CC2D2B: variants seen among roughly 807,000 people sequenced by gnomAD.
CC2D2B encodes the protein coiled-coil and C2 domain containing 2B, also known as protein CC2D2B.
CC2D2B carries 128 observed loss-of-function variants against 161.2 expected under a neutral mutation model. The ratio of observed to expected loss-of-function variants is 0.79; its 90% CI spans 0.69 to 0.92. The LOEUF is 0.92. CC2D2B is among the 40% of genes least tolerant of loss of function. The pLI is 0.00. For missense variants in CC2D2B, 1,173 were observed against 1,375.1 expected (o/e 0.85, Z 2.32); for synonymous variants, 391 against 449.8 (o/e 0.87, Z 1.65).
In CC2D2B at chr10:96,012,345, C is replaced by T. The variant is rs764558779; in HGVS notation, c.3206C>T (p.Thr1069Ile). Residue 1069 changes from threonine to isoleucine, a missense_variant, in exon 27 of 35, where the codon ACC (threonine) becomes ATC (isoleucine). Physicochemically the swap from Thr to Ile is moderately conservative, Grantham distance 89. This residue lies in a region of CC2D2B where 598 missense variants were observed against 693.2 expected (regional missense o/e 0.86). Coordinates refer to ENST00000646931, the MANE Select transcript of CC2D2B (RefSeq NM_001349008.3). ...ATIEPQISYV[T>I]CNPTLDKFLD... Reference sequence around the variant, plus strand: ...ATTGAACCTCAAATATCATATGTCACCTGTAATCCAACACTAGATAAGGTA... The same window carrying T: ...ATTGAACCTCAAATATCATATGTCATCTGTAATCCAACACTAGATAAGGTA... 1 of 698,236 alleles carries T rather than the reference C, an allele frequency of 1.4e-6. No homozygotes were observed. The allele number at this position is 698,236 out of a possible 1,614,324, so 43.3% of individuals were successfully genotyped here. A position where few individuals can be genotyped will look rare whatever the true frequency, so the allele number is the denominator to read the frequency against.
intron 9 of CC2D2B, among the ~76,000 whole-genome samples, chr10:95,947,082 A>AAAATAT (rs1467752343): frequency 1.0e-4 from 4 of 39,500 alleles, no homozygotes; most frequent in Non-Finnish European, 1.6e-4. Flanking sequence ...TGGACTCAAA[A>AAAATAT]ATATATATAT....
At chr10:95,923,520 T>C (rs915730190) in intron 3 of CC2D2B, among the ~76,000 whole-genome samples, 5 of 152,194 alleles carry the variant, frequency 3.3e-5, no homozygotes, top group Admixed American at 2.6e-4. Flanking sequence ...GTCTTTTCAG[T>C]TTAATAAAAT....
intron 9 of CC2D2B, among the ~76,000 whole-genome samples, chr10:95,939,720 C>T (rs1034632669): frequency 6.6e-6 from 1 of 152,112 alleles, no homozygotes; most frequent in African/African-American, 2.4e-5. Flanking sequence ...TTTTAATCTG[C>T]ATTTCCCTAA....
In CC2D2B at chr10:95,992,632, T is replaced by C; in HGVS notation, c.2577T>C (p.Asp859=). Reference sequence around the variant, plus strand: ...CAGCGCAGGCGATCTCTGACGGAGATATTAAGATTCTTGTCCGAATAGTGA... The same window carrying C: ...CAGCGCAGGCGATCTCTGACGGAGACATTAAGATTCTTGTCCGAATAGTGA... ...KVTAQAISDG[D]IKILVRIVRA... The change falls in exon 22 of 35, where the codon GAT becomes GAC. Residue 859 remains aspartate (D), a synonymous_variant. Coordinates refer to ENST00000646931, the MANE Select transcript of CC2D2B (RefSeq NM_001349008.3). The C allele has an allele frequency of 1.6e-6, 2 of 1,234,274 alleles. No individual in the cohort carries two copies. Among genetic ancestry groups the C allele is most frequent in the Non-Finnish European group, 2.0e-6 (2 of 988,080 alleles). 76.5% of individuals were successfully genotyped at this position (1,234,274 alleles called of 1,614,324 possible). A position where few individuals can be genotyped will look rare whatever the true frequency, so the allele number is the denominator to read the frequency against.
rs1312023412 is a variant in CC2D2B, at chr10:95,965,941, G to T, written c.1296G>T (p.Met432Ile). ...ATGAACAAGAGCAAATCTCAGAAATGTCTGAAACTGAGAAGAAAAATGAAG... is the reference window on the plus strand; with the variant it reads ...ATGAACAAGAGCAAATCTCAGAAATTTCTGAAACTGAGAAGAAAAATGAAG... ...KCDEQEQISE[M>I]SETEKKNEGK... Residue 432 changes from methionine to isoleucine, a missense_variant, in exon 13 of 35, where the codon ATG (methionine) becomes ATT (isoleucine). By Grantham distance (10) the Met-to-Ile change is conservative. This residue lies in a region of CC2D2B where 277 missense variants were observed against 420.6 expected (regional missense o/e 0.66). Transcript: ENST00000646931. 1 of 1,218,718 alleles carries T rather than the reference G, an allele frequency of 8.2e-7. No individual in the cohort carries two copies. The highest frequency in any genetic ancestry group is 1.0e-6 in the Non-Finnish European group (1 of 976,190). The allele number at this position is 1,218,718 out of a possible 1,614,324, so 75.5% of individuals were successfully genotyped here.
intron 26 of CC2D2B, among the ~76,000 whole-genome samples, chr10:96,010,647 C>T (rs930630244): frequency 4.6e-5 from 7 of 151,888 alleles, no homozygotes; most frequent in South Asian, 4.2e-4. Context: ...GTGGAAATGC[C>T]GGGGGAGTGG....
At chr10:95,975,515 A>G (rs536572639) in intron 17 of CC2D2B, among the ~76,000 whole-genome samples, 1 of 152,354 alleles carries the variant, frequency 6.6e-6, no homozygotes, top group South Asian at 2.1e-4. Flanking sequence ...AATTGGGGCC[A>G]TATTTATCTT....
chr10:95,951,974 G>C (rs1481495243), intron 10 of CC2D2B, among the ~76,000 whole-genome samples: 1 of 152,106 alleles, frequency 6.6e-6, no homozygotes, highest in African/African-American at 2.4e-5. Flanking sequence ...AAATGTGCTT[G>C]GAAGTGTGCA....
At chr10:95,910,664 A>C (rs879723799) in intron 1 of CC2D2B, among the ~76,000 whole-genome samples, 7 of 152,262 alleles carry the variant, frequency 4.6e-5, no homozygotes, top group African/African-American at 1.7e-4. Flanking sequence ...ACATCCAAAT[A>C]GATCTCTAGT....
intron 6 of CC2D2B, among the ~76,000 whole-genome samples, chr10:95,931,826 A>G (rs567498202): frequency 2.0e-5 from 3 of 152,302 alleles, no homozygotes; most frequent in East Asian, 1.9e-4. Flanking sequence ...AATAAGTGCA[A>G]TGTGGTGCTG....
Position 96,028,289 on chromosome 10 carries a change from T to A in CC2D2B, c.4125+900T>A, listed in dbSNP as rs374529050. On this transcript the variant is annotated intron_variant, in intron 34 of 34. Transcript: ENST00000646931. ...AAACAACTATAAGAAAAAAATACAA[T>A]AATCTGATTTTTTAAATGGGCAAAA... is the stretch of plus-strand genomic sequence containing the variant. 8.8e-4 allele frequency among the ~76,000 whole-genome samples: 134 copies of A among 152,058 alleles called. 1 individual carries two copies. In the South Asian group the frequency reaches 1.0e-2, roughly 11 times the overall value.
At chr10:95,920,033 C>T (rs2098523781) in intron 2 of CC2D2B, 1 of 151,024 alleles carries the variant, frequency 6.6e-6, no homozygotes, top group Non-Finnish European at 1.5e-5. Flanking sequence ...TGAGTCCTAC[C>T]AAGCCTGGTT....
intron 2 of CC2D2B, chr10:95,918,899 A>C (rs768714925): frequency 1.3e-5 from 2 of 151,732 alleles, no homozygotes; most frequent in African/African-American, 2.4e-5. Flanking sequence ...TAATGTTGGG[A>C]GACTCTGATG....
intron 6 of CC2D2B, among the ~76,000 whole-genome samples, chr10:95,936,579 C>T (rs1005295318): frequency 1.3e-5 from 2 of 152,164 alleles, no homozygotes; most frequent in Non-Finnish European, 2.9e-5. Flanking sequence ...CACACAATAG[C>T]CAACAGCACA....
intron 18 of CC2D2B, 93 bp from the exon 19 acceptor site, chr10:95,983,513 C>A: frequency 2.1e-6 from 1 of 475,962 alleles, no homozygotes; most frequent in Non-Finnish European, 3.4e-6. Flanking sequence ...CTTATATTGC[C>A]ACTCAGATCT....
Position 95,950,108 on chromosome 10 carries a change from G to A in CC2D2B, c.1011+3G>A. 1 of 398,680 alleles carries A rather than the reference G, an allele frequency of 2.5e-6. No individual in the cohort carries two copies. The highest frequency in any genetic ancestry group is 4.4e-6 in the Non-Finnish European group (1 of 225,896). The allele number at this position is 398,680 out of a possible 1,614,324, so 24.7% of individuals were successfully genotyped here. On this transcript the variant is annotated splice_donor_region_variant and intron_variant, in intron 10 of 34. Coordinates refer to ENST00000646931, the MANE Select transcript of CC2D2B (RefSeq NM_001349008.3). ...TATCTCAGCTGCTTTATGAGAAGGT[G>A]AGAATGGCTTTCATTATAAAGCTAA...
At chr10:96,006,328 G>C (rs2078747213) in intron 25 of CC2D2B, among the ~76,000 whole-genome samples, 1 of 147,876 alleles carries the variant, frequency 6.8e-6, no homozygotes. Context: ...TTTTATATAT[G>C]TAATATATAT....
chr10:95,912,245 T>C (rs962375328), intron 2 of CC2D2B, among the ~76,000 whole-genome samples: 8 of 152,184 alleles, frequency 5.3e-5, no homozygotes, highest in African/African-American at 1.9e-4. Flanking sequence ...AAGAAACTTA[T>C]AACCATATCA....
chr10:95,967,367 A>G (rs1263130087), intron 14 of CC2D2B, among the ~76,000 whole-genome samples: 1 of 152,188 alleles, frequency 6.6e-6, no homozygotes, highest in Non-Finnish European at 1.5e-5. Context: ...TTTGTGCTGG[A>G]AAACCTAGAC....
Sources: gnomAD v4.1 joint callset for allele counts (sites outside exome capture counted in the v4.1 genomes callset) on GRCh38, gnomAD v4.1.1 for gene constraint, gnomAD v4.1.1 regional missense constraint, MANE v1.5 for transcripts, NCBI Gene and HGNC (gene_info 2026-07-23, HGNC 2026-07-21) for gene names.